Variants in FAXDC2 observed in about 807,000 individuals in gnomAD.
FAXDC2 encodes the protein fatty acid hydroxylase domain containing 2, also known as fatty acid hydroxylase domain-containing protein 2.
FAXDC2 carries 41 observed loss-of-function variants against 40.9 expected under a neutral mutation model. That is an observed-to-expected ratio of 1.00 (90% CI 0.78 to 1.30). FAXDC2 has a LOEUF of 1.30. FAXDC2 is among the 50% of genes most tolerant of loss of function. The pLI is 0.00. For missense variants in FAXDC2, 390 were observed against 408.8 expected (o/e 0.95, Z 0.40); for synonymous variants, 157 against 149.3 (o/e 1.05, Z -0.38).
Position 154,820,097 on chromosome 5 carries a change from T to G in FAXDC2, c.*219A>C. ...CTGGGGAGCTGTGTTTTCCTTTTTC[T>G]TAAGCTAACTCCTGATCCCATTGAG... On this transcript the variant is annotated 3_prime_UTR_variant, in exon 9 of 9. Coordinates refer to ENST00000326080, the MANE Select transcript of FAXDC2 (RefSeq NM_032385.5). 2.1e-6 allele frequency: 1 copy of G among 479,526 alleles called. No homozygotes were observed. Among genetic ancestry groups the G allele is most frequent in the East Asian group, 4.0e-5 (1 of 25,238 alleles). 29.7% of individuals were successfully genotyped at this position (479,526 alleles called of 1,614,324 possible).
At chr5:154,845,593 A>T (rs1158508859) in intron 1 of FAXDC2, among the ~76,000 whole-genome samples, 2 of 151,998 alleles carry the variant, frequency 1.3e-5, no homozygotes, top group African/African-American at 4.8e-5. Context: ...TATAAAAAAA[A>T]TTAGCCAGGT....
intron 7 of FAXDC2, chr5:154,821,812 C>G (rs568756966): frequency 5.4e-6 from 1 of 185,182 alleles, no homozygotes; most frequent in Admixed American, 6.0e-5. Context: ...CCAGATGTGG[C>G]CAGGTGCGAT....
At chr5:154,828,379 G>A (rs928796794) in intron 5 of FAXDC2, among the ~76,000 whole-genome samples, 30 of 152,084 alleles carry the variant, frequency 2.0e-4, no homozygotes, top group African/African-American at 7.2e-4. Context: ...AATAATGAGA[G>A]AAAGAGAAGG....
intron 4 of FAXDC2, among the ~76,000 whole-genome samples, chr5:154,833,333 G>A (rs1048161418): frequency 6.8e-6 from 1 of 146,846 alleles, no homozygotes; most frequent in Admixed American, 6.8e-5. Flanking sequence ...CACTAATCTT[G>A]GCCTATCTTA....
Position 154,823,497 on chromosome 5 carries a change from G to C in FAXDC2, c.462C>G (p.Leu154=). 6.2e-7 allele frequency: 1 copy of C among 1,614,172 alleles called. No homozygotes were observed. Among genetic ancestry groups the C allele is most frequent in the Non-Finnish European group, 8.5e-7 (1 of 1,179,998 alleles). ...FPMVVFLYPF[L]KWWRDPCRRE... is the part of the protein sequence containing the mutation. ...GGCGGCAGGGGTCTCTCCACCATTT[G>C]AGGAAGGGATAGAGGAAGACCACCA... is the stretch of plus-strand genomic sequence containing the variant. Residue 154 remains leucine, a synonymous_variant, in exon 6 of 9, where the codon CTC becomes CTG. Transcript: ENST00000326080.
intron 1 of FAXDC2, among the ~76,000 whole-genome samples, chr5:154,846,433 G>A (rs545532860): frequency 2.3e-4 from 35 of 152,038 alleles, no homozygotes; most frequent in Non-Finnish European, 3.7e-4. Context: ...TTATAACATC[G>A]TATAACTTTG....
rs200639060 is a variant in FAXDC2, at chr5:154,846,287, T to TGC, written c.-1+4195_-1+4196insGC. Among the ~76,000 whole-genome samples, 125 of 152,108 alleles carry TGC rather than the reference T, an allele frequency of 8.2e-4. 2 individuals are homozygous for TGC. Among genetic ancestry groups the TGC allele is most frequent in the Middle Eastern group, 6.8e-3 (2 of 292 alleles). ...ACTAGATAGTGTGTGTGTGTGTGTG[T>TGC]GTGTGTGTGTGTTAATACCAAAGGA... On this transcript the variant is annotated intron_variant, in intron 1 of 8. Transcript: ENST00000326080.
intron 2 of FAXDC2, chr5:154,835,292 A>G (rs2434217): frequency 0.88 from 170,929 of 194,136 alleles, 76,338 homozygotes; most frequent in African/African-American, 0.97. Flanking sequence ...CCCATTATCT[A>G]CACATTGAAA....
At chr5:154,822,751 G>A (rs575433397) in intron 6 of FAXDC2, among the ~76,000 whole-genome samples, 174 bp from the exon 7 acceptor site, 14 of 152,332 alleles carry the variant, frequency 9.2e-5, no homozygotes, top group African/African-American at 3.4e-4. Flanking sequence ...GTTTGGGAGT[G>A]GGTTGCTTTG....
chr5:154,824,453 GGC>G (rs1466324711), intron 5 of FAXDC2: 4 of 702,220 alleles, frequency 5.7e-6, no homozygotes, highest in African/African-American at 5.2e-5. Flanking sequence ...CCCAGCTTGA[GGC>G]CTGCCTCTTC....
intron 1 of FAXDC2, among the ~76,000 whole-genome samples, chr5:154,844,331 GT>G (rs1175339905): frequency 6.6e-6 from 1 of 150,894 alleles, no homozygotes; most frequent in Non-Finnish European, 1.5e-5. Flanking sequence ...GCAATGAGCT[GT>G]GATTGCACCA....
chr5:154,835,883 CTTTTTTTTTTTTTTTTT>C (rs869068025), intron 2 of FAXDC2, among the ~76,000 whole-genome samples: 1 of 47,842 alleles, frequency 2.1e-5, no homozygotes, highest in Non-Finnish European at 4.0e-5. Flanking sequence ...GCCCGGCCGA[CTTTTTTTTTTTTTTTTT>C]TTTTTTTTTT....
chr5:154,837,613 C>G (rs1471893503), intron 2 of FAXDC2, among the ~76,000 whole-genome samples: 1 of 152,126 alleles, frequency 6.6e-6, no homozygotes, highest in Non-Finnish European at 1.5e-5. Flanking sequence ...ATTAAAACCT[C>G]AGTTTCACAT....
chr5:154,820,465 G>C lies in FAXDC2; in HGVS notation c.853C>G (p.Gln285Glu), dbSNP rs79071245. 1,529 of 1,609,940 alleles carry C rather than the reference G, an allele frequency of 9.5e-4. 9 individuals are homozygous for C. The African/African-American group carries it at 0.018, about 19-fold the overall frequency. The change falls in exon 9 of 9, where the codon CAG becomes GAG. Residue 285 changes from glutamine to glutamate, a missense_variant. Coordinates refer to ENST00000326080, the MANE Select transcript of FAXDC2 (RefSeq NM_032385.5). ...AGCACACCCAGCACCCCATAGCACT[G>C]GTTGAACCTAGAAGAGAGAGGACGG... is the stretch of plus-strand genomic sequence containing the variant. Reference protein sequence around the residue: ...FHDYHHLKFNQCYGVLGVLDH... With the variant: ...FHDYHHLKFNECYGVLGVLDH...
At chr5:154,825,475 G>A (rs188426721) in intron 5 of FAXDC2, among the ~76,000 whole-genome samples, 112 of 151,390 alleles carry the variant, frequency 7.4e-4, no homozygotes, top group African/African-American at 2.3e-3. Flanking sequence ...TGACCAATAC[G>A]GTGAAACCCT....
intron 5 of FAXDC2, 173 bp from the exon 6 acceptor site, chr5:154,823,765 C>A: frequency 1.7e-6 from 1 of 604,194 alleles, no homozygotes; most frequent in Non-Finnish European, 2.9e-6. Context: ...CAGAATAAGG[C>A]CCTGGCTGCT....
At chr5:154,820,619 G>C in intron 8 of FAXDC2, 147 bp from the exon 9 acceptor site, 1 of 615,978 alleles carries the variant, frequency 1.6e-6, no homozygotes, top group Non-Finnish European at 2.8e-6. Flanking sequence ...GAATAAGCTG[G>C]GGAGTTGCTA....
chr5:154,835,158 T>TG, intron 2 of FAXDC2: 1 of 489,684 alleles, frequency 2.0e-6, no homozygotes, highest in South Asian at 2.5e-5. Context: ...GAGCTCAAGT[T>TG]GGGGGAGGGA....
At chr5:154,821,095 GAA>G in intron 8 of FAXDC2, 163 bp downstream of exon 8, 1 of 625,196 alleles carries the variant, frequency 1.6e-6, no homozygotes, top group South Asian at 2.2e-5. Flanking sequence ...ATTTCAGAAG[GAA>G]AAGAGTAAGG....
Sources: allele counts gnomAD v4.1 joint callset (sites outside exome capture counted in the v4.1 genomes callset), GRCh38; gene constraint gnomAD v4.1.1; transcripts MANE v1.5; gene names NCBI Gene and HGNC (gene_info 2026-07-23, HGNC 2026-07-21).